CDH12: variants seen among roughly 807,000 people sequenced by gnomAD.
CDH12 encodes the protein cadherin-12.
A neutral mutation model predicts 74.1 loss-of-function variants in CDH12; 41 were observed. The ratio of observed to expected loss-of-function variants is 0.55; its 90% CI spans 0.43 to 0.72. CDH12 has a LOEUF of 0.72. Ranked by LOEUF, CDH12 falls within the 30% of genes least tolerant of loss-of-function variation. The pLI is 0.00. For missense variants in CDH12, 945 were observed against 977.2 expected (o/e 0.97, Z 0.44); for synonymous variants, 399 against 355.0 (o/e 1.12, Z -1.39).
chr5:22,183,003 AAG>A (rs2150339150), intron 4 of CDH12, among the ~76,000 whole-genome samples: 1 of 151,262 alleles, frequency 6.6e-6, no homozygotes, highest in Non-Finnish European at 1.5e-5. Context: ...ATGGTGCTCA[AAG>A]AGAGAAGTGG....
intron 1 of CDH12, among the ~76,000 whole-genome samples, chr5:22,650,927 C>T (rs533219248): frequency 2.6e-5 from 4 of 151,944 alleles, no homozygotes; most frequent in South Asian, 2.1e-4. Flanking sequence ...AAACGAGAGG[C>T]GATAACTGTT....
chr5:22,587,751 C>T (rs550108165), intron 1 of CDH12, among the ~76,000 whole-genome samples: 10 of 151,766 alleles, frequency 6.6e-5, no homozygotes, highest in East Asian at 1.9e-4. Context: ...GTTGAGACCC[C>T]GAATTATATG....
At position 22,806,427 on chromosome 5, in the gene CDH12, A is replaced by C. The variant is rs7729899; in HGVS notation, c.-523+46631T>G. On this transcript the variant is annotated intron_variant, in intron 1 of 14. Transcript: ENST00000382254. ...GAGTGCAGTGGCGCAATCTCGGCTC[A>C]CTGCAAGCTCCGCCTCCCGGGTTCA... 7.8e-3 allele frequency among the ~76,000 whole-genome samples: 1,098 copies of C among 140,848 alleles called. 14 individuals are homozygous for C. Among genetic ancestry groups the C allele is most frequent in the African/African-American group, 0.028 (1,044 of 37,302 alleles). 92.4% of individuals were successfully genotyped at this position (140,848 alleles called of 152,430 possible). A position where few individuals can be genotyped will look rare whatever the true frequency, so the allele number is the denominator to read the frequency against.
At chr5:21,835,174 G>T (rs913254626) in intron 8 of CDH12, among the ~76,000 whole-genome samples, 2 of 151,864 alleles carry the variant, frequency 1.3e-5, no homozygotes, top group Non-Finnish European at 2.9e-5. Flanking sequence ...AAAGTCAGCA[G>T]TACATTGTGG....
intron 1 of CDH12, among the ~76,000 whole-genome samples, chr5:22,746,929 C>A (rs1461809494): frequency 6.6e-6 from 1 of 152,106 alleles, no homozygotes; most frequent in Non-Finnish European, 1.5e-5. Context: ...CACAGCTGTA[C>A]ACAGTGTCAT....
At chr5:22,540,742 T>C (rs1738065550) in intron 1 of CDH12, among the ~76,000 whole-genome samples, 1 of 152,160 alleles carries the variant, frequency 6.6e-6, no homozygotes, top group Non-Finnish European at 1.5e-5. Flanking sequence ...CCTGCATCTG[T>C]TCACCCAGTA....
intron 3 of CDH12, among the ~76,000 whole-genome samples, chr5:22,354,084 A>G (rs1349343185): frequency 1.3e-5 from 2 of 152,184 alleles, no homozygotes; most frequent in Non-Finnish European, 2.9e-5. Flanking sequence ...AGTGAATCTT[A>G]TCTGAGAGTG....
chr5:22,147,368 T>A (rs896024872), intron 4 of CDH12, among the ~76,000 whole-genome samples: 17 of 152,054 alleles, frequency 1.1e-4, no homozygotes, highest in Non-Finnish European at 1.5e-4. Context: ...AACATTAAAA[T>A]CCAAGGTAAA....
chr5:22,513,815 G>T (rs1736703208), intron 1 of CDH12, among the ~76,000 whole-genome samples: 2 of 151,898 alleles, frequency 1.3e-5, no homozygotes, highest in Admixed American at 6.6e-5. Flanking sequence ...GGGCTTGGTG[G>T]TGGGTGCCTG....
chr5:21,958,412 T>C (rs1274244392), intron 6 of CDH12, among the ~76,000 whole-genome samples: 2 of 152,124 alleles, frequency 1.3e-5, no homozygotes, highest in Admixed American at 1.3e-4. Flanking sequence ...TCTTCCAGGG[T>C]TTTTCTAATT....
intron 3 of CDH12, among the ~76,000 whole-genome samples, chr5:22,340,255 C>T (rs537381899): frequency 3.5e-4 from 53 of 152,028 alleles, no homozygotes; most frequent in African/African-American, 1.2e-3. Flanking sequence ...GGCTGGGTGC[C>T]GTGGCTCACG....
chr5:22,207,216 C>CAAAAAAAAAAAA (rs11430414), intron 4 of CDH12, among the ~76,000 whole-genome samples: 3 of 92,186 alleles, frequency 3.3e-5, no homozygotes, highest in East Asian at 3.3e-4. Context: ...AAGACTGTCT[C>CAAAAAAAAAAAA]AAAAAAAAAA....
At chr5:22,431,581 G>T (rs1256743193) in intron 2 of CDH12, among the ~76,000 whole-genome samples, 3 of 152,182 alleles carry the variant, frequency 2.0e-5, no homozygotes, top group Non-Finnish European at 4.4e-5. Flanking sequence ...ACAACGTCAG[G>T]CAGGTCATTC....
At chr5:22,623,455 A>C (rs909906731) in intron 1 of CDH12, among the ~76,000 whole-genome samples, 3 of 152,280 alleles carry the variant, frequency 2.0e-5, no homozygotes, top group East Asian at 3.9e-4. Context: ...TGATAAGCAA[A>C]TTCAGCAAAG....
intron 1 of CDH12, among the ~76,000 whole-genome samples, chr5:22,604,378 C>T (rs1257372611): frequency 6.6e-6 from 1 of 152,190 alleles, no homozygotes; most frequent in East Asian, 1.9e-4. Context: ...TTATCCAGAA[C>T]TGAGAAACAG....
intron 1 of CDH12, among the ~76,000 whole-genome samples, chr5:22,644,286 G>C (rs138905327): frequency 1.4e-4 from 21 of 152,172 alleles, no homozygotes; most frequent in Admixed American, 1.3e-3. Flanking sequence ...GAATGCAAAA[G>C]AAAAGTTATT....
rs1045773848 is a variant in CDH12, at chr5:21,750,853, C to T, written c.*884G>A. The T allele has an allele frequency of 3.3e-5, 5 of 152,034 alleles. No homozygotes were observed. Among genetic ancestry groups the T allele is most frequent in the Non-Finnish European group, 5.9e-5 (4 of 67,972 alleles). 9.4% of individuals were successfully genotyped at this position (152,034 alleles called of 1,614,324 possible). A position where few individuals can be genotyped will look rare whatever the true frequency, so the allele number is the denominator to read the frequency against. ...TCTGGTGACTGTTAAAACCAATTTT[C>T]CACACACCAGTACAATATTAAGCAA... On this transcript the variant is annotated 3_prime_UTR_variant, in exon 15 of 15. Transcript: ENST00000382254.
At chr5:22,020,779 A>G (rs535637067) in intron 5 of CDH12, among the ~76,000 whole-genome samples, 2 of 152,130 alleles carry the variant, frequency 1.3e-5, no homozygotes, top group African/African-American at 2.4e-5. Flanking sequence ...AATGTCAATT[A>G]CCACCTAAAG....
chr5:21,788,590 T>C (rs1040871428), intron 10 of CDH12, among the ~76,000 whole-genome samples: 2 of 152,162 alleles, frequency 1.3e-5, no homozygotes, highest in South Asian at 2.1e-4. Flanking sequence ...TGGTTTTTAA[T>C]ATATTTTTAA....
Sources: allele counts gnomAD v4.1 joint callset (sites outside exome capture counted in the v4.1 genomes callset), GRCh38; gene constraint gnomAD v4.1.1; transcripts MANE v1.5; gene names NCBI Gene and HGNC (gene_info 2026-07-23, HGNC 2026-07-21).